Variants in CCDC40 observed in about 807,000 individuals in gnomAD.
CCDC40 encodes the protein coiled-coil domain-containing protein 40.
A neutral mutation model predicts 124.5 loss-of-function variants in CCDC40; 104 were observed. The observed-to-expected ratio is 0.84, with a 90% confidence interval of 0.71 to 0.98. The LOEUF (loss-of-function observed/expected upper bound fraction) is 0.98, where lower values mean the gene tolerates loss of function less well. Ranked by LOEUF, CCDC40 falls within the 50% of genes least tolerant of loss-of-function variation. The pLI, the probability that CCDC40 is intolerant of heterozygous loss-of-function variation, is 0.00. For missense variants in CCDC40, 1,463 were observed against 1,503.9 expected (o/e 0.97, Z 0.45); for synonymous variants, 580 against 602.9 (o/e 0.96, Z 0.56).
intron 18 of CCDC40, among the ~76,000 whole-genome samples, chr17:80,095,948 C>G (rs1214360947): frequency 6.6e-6 from 1 of 152,228 alleles, no homozygotes; most frequent in African/African-American, 2.4e-5. Flanking sequence ...CCGCATACCC[C>G]AGGCCATGTC....
At chr17:80,078,223 TGGGA>T (rs2038357313) in intron 10 of CCDC40, among the ~76,000 whole-genome samples, 1 of 147,962 alleles carries the variant, frequency 6.8e-6, no homozygotes. Context: ...CCCAGCTACT[TGGGA>T]GGGTGAGGCA....
chr17:80,051,274 AC>A, intron 7 of CCDC40: 2 of 975,208 alleles, frequency 2.1e-6, no homozygotes, highest in Non-Finnish European at 2.4e-6. Flanking sequence ...AACATTTTAA[AC>A]CCTGAGAAAA....
intron 10 of CCDC40, 32 bp from the exon 11 acceptor site, chr17:80,081,514 C>T (rs1323260467): frequency 1.8e-5 from 29 of 1,612,984 alleles, no homozygotes; most frequent in East Asian, 4.5e-5. Flanking sequence ...ATGTCTCACA[C>T]GTAACTGGCT....
Position 80,088,113 on chromosome 17 carries a change from G to A in CCDC40, c.2711+11G>A, listed in dbSNP as rs1434924240. On this transcript the variant is annotated intron_variant, in intron 16 of 19. Transcript: ENST00000397545. ...ACTGGTGGAAGCAGAGTGAGTCCCA[G>A]TCTCCAGCCACACGTGGGTCATGAA... 6.2e-7 allele frequency: 1 copy of A among 1,600,322 alleles called. No individual in the cohort carries two copies. Among genetic ancestry groups the A allele is most frequent in the Admixed American group, 1.7e-5 (1 of 59,980 alleles).
At chr17:80,051,628 C>CAAAAAAAAAAAAAAAAAAAAAAA (rs200887220) in intron 7 of CCDC40, among the ~76,000 whole-genome samples, 1 of 94,148 alleles carries the variant, frequency 1.1e-5, no homozygotes, top group African/African-American at 4.0e-5. Context: ...GACTCCGTCT[C>CAAAAAAAAAAAAAAAAAAAAAAA]AAAAAAAAAA....
intron 3 of CCDC40, 47 bp downstream of exon 3, chr17:80,040,317 G>A (rs763362422): frequency 2.1e-5 from 32 of 1,551,026 alleles, no homozygotes; most frequent in Middle Eastern, 2.1e-4. Flanking sequence ...CACGGCCCAC[G>A]GGGTTTGTCA....
At chr17:80,093,659 G>A (rs4889955) in intron 17 of CCDC40, among the ~76,000 whole-genome samples, 100,182 of 151,564 alleles carry the variant, frequency 0.66, 33,397 homozygotes, top group Middle Eastern at 0.8. Flanking sequence ...GATTACAGGC[G>A]TGCACCACTA....
chr17:80,071,333 G>A (rs968399376), intron 10 of CCDC40, among the ~76,000 whole-genome samples: 8 of 152,142 alleles, frequency 5.3e-5, no homozygotes, highest in East Asian at 1.9e-4. Context: ...TCAGCCACAC[G>A]GCCTCACAGC....
At chr17:80,081,412 A>AAATAAATAAATAAATAAATAAATT in intron 10 of CCDC40, 134 bp from the exon 11 acceptor site, 1 of 681,560 alleles carries the variant, frequency 1.5e-6, no homozygotes. Context: ...ATAAATAAAT[A>AAATAAATAAATAAATAAATAAATT]AGAGTTGGCT....
chr17:80,038,530 A>C (rs1036397186), intron 2 of CCDC40, among the ~76,000 whole-genome samples: 4 of 151,206 alleles, frequency 2.6e-5, no homozygotes, highest in Non-Finnish European at 5.9e-5. Context: ...ACTCTATCTC[A>C]AAAATAAATA....
chr17:80,072,012 T>C (rs1452792012), intron 10 of CCDC40, among the ~76,000 whole-genome samples: 1 of 152,008 alleles, frequency 6.6e-6, no homozygotes, highest in Non-Finnish European at 1.5e-5. Context: ...GCTGATTTTG[T>C]ATTTTTAAAA....
chr17:80,059,089 C>A, intron 9 of CCDC40, 109 bp downstream of exon 9: 1 of 1,358,548 alleles, frequency 7.4e-7, no homozygotes, highest in Non-Finnish European at 1.0e-6. Context: ...GGATGAGTGA[C>A]TGCAGCCAGC....
intron 17 of CCDC40, among the ~76,000 whole-genome samples, chr17:80,092,588 G>A (rs2038742152): frequency 6.6e-6 from 1 of 152,200 alleles, no homozygotes; most frequent in Admixed American, 6.5e-5. Context: ...AGATTCTTCT[G>A]TGTGGTGAAG....
At position 80,068,722 on chromosome 17, in the gene CCDC40, C is replaced by T. The variant is rs925811808; in HGVS notation, c.1562+3116C>T. 2.6e-5 allele frequency among the ~76,000 whole-genome samples: 4 copies of T among 152,088 alleles called. No homozygotes were observed. The East Asian group carries it at 5.8e-4, about 22-fold the overall frequency. ...CAGAAGCTTGGTTTTGCCATCACAC[C>T]GAGAAGGCACACTTGTCCTGGAGTT... On this transcript the variant is annotated intron_variant, in intron 10 of 19. Coordinates refer to ENST00000397545, the MANE Select transcript of CCDC40 (RefSeq NM_017950.4).
At chr17:80,089,652 G>T in intron 16 of CCDC40, 112 bp from the exon 17 acceptor site, 4 of 1,323,206 alleles carry the variant, frequency 3.0e-6, no homozygotes, top group Non-Finnish European at 4.3e-6. Context: ...TGTCGCAGCT[G>T]CTTGGCTCTG....
At chr17:80,068,113 G>C in intron 10 of CCDC40, 1 of 384,856 alleles carries the variant, frequency 2.6e-6, no homozygotes, top group Non-Finnish European at 3.5e-6. Context: ...TGCTCACTGC[G>C]ACCTCCGCCT....
intron 10 of CCDC40, among the ~76,000 whole-genome samples, chr17:80,073,189 G>C (rs1024635951): frequency 6.6e-6 from 1 of 152,032 alleles, no homozygotes; most frequent in African/African-American, 2.4e-5. Flanking sequence ...TTTTTTAGTA[G>C]AGACGGGGTT....
chr17:80,073,729 T>C (rs56219471), intron 10 of CCDC40, among the ~76,000 whole-genome samples: 13,026 of 152,120 alleles, frequency 0.086, 641 homozygotes, highest in Non-Finnish European at 0.12. Flanking sequence ...TTTGAGACAC[T>C]CTGTCCCCCA....
In CCDC40 at chr17:80,058,866, T is replaced by C. The variant is rs369063338; in HGVS notation, c.1326T>C (p.Tyr442=). ...CTCATCCTGTTTCCCAGGACCTGTA[T>C]GTGGACCAGCTCACCACTCGAGCCC... The part of the protein sequence containing the change: ...AEIEKKKQDL[Y]VDQLTTRAQQ... The change falls in exon 9 of 20, where the codon TAT becomes TAC. Residue 442 remains tyrosine (Y), a synonymous_variant. Transcript: ENST00000397545. This position sits in a 1 kb window ranked among gnomAD's most constrained non-coding sequence, Gnocchi z 4.2. 18 of 1,614,146 alleles carry C rather than the reference T, an allele frequency of 1.1e-5. No homozygotes were observed. In the African/African-American group the frequency reaches 1.6e-4, roughly 14 times the overall value.
Sources: allele counts gnomAD v4.1 joint callset (sites outside exome capture counted in the v4.1 genomes callset), GRCh38; gene constraint gnomAD v4.1.1; non-coding constraint Gnocchi (gnomAD v3.1); transcripts MANE v1.5; gene names NCBI Gene and HGNC (gene_info 2026-07-23, HGNC 2026-07-21).